Variants in CRAT observed in about 807,000 individuals in gnomAD.
CRAT encodes the protein carnitine O-acetyltransferase, also known as carnitine acetylase.
A neutral mutation model predicts 73.7 loss-of-function variants in CRAT; 66 were observed. The ratio of observed to expected loss-of-function variants is 0.90; its 90% CI spans 0.73 to 1.10. The LOEUF (loss-of-function observed/expected upper bound fraction) is 1.10, where lower values mean the gene tolerates loss of function less well. Among genes scored for constraint, CRAT ranks in the 50% least tolerant of loss-of-function variants. The pLI is 0.00. For missense variants in CRAT, 745 were observed against 846.9 expected (o/e 0.88, Z 1.49); for synonymous variants, 321 against 343.2 (o/e 0.94, Z 0.71).
intron 2 of CRAT, among the ~76,000 whole-genome samples, chr9:129,104,525 C>A (rs3896405): frequency 1 from 151,525 of 152,140 alleles, 75,463 homozygotes; most frequent in Middle Eastern, 1. Context: ...CAGATCAATC[C>A]GATGCTGCTG....
Position 129,107,543 on chromosome 9 carries a change from C to G in CRAT, c.291+271G>C. On this transcript the variant is annotated intron_variant, in intron 2 of 13. Coordinates refer to ENST00000318080, the MANE Select transcript of CRAT (RefSeq NM_000755.5). The surrounding 1 kb of genome is among the most constrained non-coding windows in gnomAD (Gnocchi z 5.0). Reference sequence around the variant, plus strand: ...TCTATCTGGTTGTACCTGCCGTGCACCCCACTCCTGCCTCTGTCCTGGAAC... The same window carrying G: ...TCTATCTGGTTGTACCTGCCGTGCAGCCCACTCCTGCCTCTGTCCTGGAAC... The G allele has an allele frequency of 1.5e-6, 1 of 657,022 alleles. No homozygotes were observed. Among genetic ancestry groups the G allele is most frequent in the Middle Eastern group, 2.5e-4 (1 of 4,078 alleles). 40.7% of individuals were successfully genotyped at this position (657,022 alleles called of 1,614,324 possible). A position where few individuals can be genotyped will look rare whatever the true frequency, so the allele number is the denominator to read the frequency against.
intron 8 of CRAT, among the ~76,000 whole-genome samples, chr9:129,099,567 T>C (rs1218398512): frequency 4.0e-5 from 6 of 151,040 alleles, no homozygotes; most frequent in Admixed American, 2.0e-4. Context: ...ACTGGGATTA[T>C]AGGCATGTGA....
At chr9:129,100,262 G>A (rs977736625) in intron 7 of CRAT, 13 of 587,584 alleles carry the variant, frequency 2.2e-5, no homozygotes, top group African/African-American at 7.5e-5. Context: ...TGGTGACCCC[G>A]GATCCCAGGT....
Position 129,097,972 on chromosome 9 carries a change from G to T in CRAT, c.1464+41C>A. ...TTGACTGAGTGAGCAGGAGGGAGGG[G>T]CTCAGGCCCAGCTCACCCACCCTCG... On this transcript the variant is annotated intron_variant, in intron 11 of 13. Coordinates refer to ENST00000318080, the MANE Select transcript of CRAT (RefSeq NM_000755.5). The T allele has an allele frequency of 2.5e-6, 4 of 1,602,336 alleles. No individual in the cohort carries two copies. In the South Asian group the frequency reaches 4.4e-5, roughly 18 times the overall value.
At position 129,095,055 on chromosome 9, in the gene CRAT, T is replaced by G; in HGVS notation, c.*342A>C. 2.9e-6 allele frequency: 1 copy of G among 350,042 alleles called. No individual in the cohort carries two copies. Among genetic ancestry groups the G allele is most frequent in the South Asian group, 3.3e-5 (1 of 30,220 alleles). The allele number at this position is 350,042 out of a possible 1,614,324, so 21.7% of individuals were successfully genotyped here. On this transcript the variant is annotated 3_prime_UTR_variant, in exon 14 of 14. Coordinates refer to ENST00000318080, the MANE Select transcript of CRAT (RefSeq NM_000755.5). ...TGGCAGGGAGTGGCCGGGGCTGAGC[T>G]GGTGAGACAAAGAGCTCTTGCCAGT...
chr9:129,097,892 G>T, intron 11 of CRAT, 121 bp downstream of exon 11: 1 of 1,410,120 alleles, frequency 7.1e-7, no homozygotes, highest in Admixed American at 2.1e-5. Context: ...GCTTCTGTTA[G>T]ATTCCCCGTG....
rs775408401 is a variant in CRAT, at chr9:129,107,984, G to A, written c.121C>T (p.Pro41Ser). ...TGGTCCAGGGACTGCTGGAGAGGGG[G>A]CACGGGCAGCCGTGGCAGTGCATCC... ...HQDALPRLPV[P>S]PLQQSLDHYL... Residue 41 changes from proline to serine, a missense_variant, in exon 2 of 14, where the codon CCC becomes TCC. By Grantham distance (74) the Pro-to-Ser change is moderately conservative (BLOSUM62 -1). Transcript: ENST00000318080. This position sits in a 1 kb window ranked among gnomAD's most constrained non-coding sequence, Gnocchi z 5.0. 2.5e-6 allele frequency: 4 copies of A among 1,600,330 alleles called. No individual in the cohort carries two copies. The highest frequency in any genetic ancestry group is 1.1e-5 in the South Asian group (1 of 90,250).
chr9:129,110,760 A>G lies in CRAT; in HGVS notation c.-251T>C, dbSNP rs1177056866. On this transcript the variant is annotated 5_prime_UTR_variant, in exon 1 of 14. Coordinates refer to ENST00000318080, the MANE Select transcript of CRAT (RefSeq NM_000755.5). The surrounding 1 kb of genome is among the most constrained non-coding windows in gnomAD (Gnocchi z 5.3). ...GCCGGTAGCGGGCCCCGGGCGGGCA[A>G]CGGTGCCCGGGAGGTTGGCTGTGGG... 3 of 473,106 alleles carry G rather than the reference A, an allele frequency of 6.3e-6. No homozygotes were observed. Among genetic ancestry groups the G allele is most frequent in the East Asian group, 5.4e-5 (1 of 18,460 alleles). The allele number at this position is 473,106 out of a possible 1,614,324, so 29.3% of individuals were successfully genotyped here. A position where few individuals can be genotyped will look rare whatever the true frequency, so the allele number is the denominator to read the frequency against.
rs541805185 is a variant in CRAT at position 129,100,737 on chromosome 9, T to G, written c.806-48A>C. Reference sequence around the variant, plus strand: ...AGACGCAAAATGGGGTCTCATGGTGTGGGAGAGATGGACCAGCCCCTCCGC... The same window carrying G: ...AGACGCAAAATGGGGTCTCATGGTGGGGGAGAGATGGACCAGCCCCTCCGC... On this transcript the variant is annotated intron_variant, in intron 6 of 13. Transcript: ENST00000318080. 8 of 1,568,782 alleles carry G rather than the reference T, an allele frequency of 5.1e-6. No homozygotes were observed. In the East Asian group the frequency reaches 1.9e-4, roughly 36 times the overall value.
In CRAT at chr9:129,103,261, G is replaced by A. The variant is rs1381345603; in HGVS notation, c.411-195C>T. 1.3e-5 allele frequency among the ~76,000 whole-genome samples: 2 copies of A among 152,154 alleles called. No homozygotes were observed. The highest frequency in any genetic ancestry group is 2.9e-5 in the Non-Finnish European group (2 of 68,022). On this transcript the variant is annotated intron_variant, in intron 3 of 13. Coordinates refer to ENST00000318080, the MANE Select transcript of CRAT (RefSeq NM_000755.5). This position sits in a 1 kb window ranked among gnomAD's most constrained non-coding sequence, Gnocchi z 4.6. ...TGTGTGCTTCTTCATAACCTCTAGA[G>A]GGAGCATGGTCGGGAGGGCTCGGGG... is the stretch of plus-strand genomic sequence containing the variant.
intron 5 of CRAT, 150 bp downstream of exon 5, chr9:129,102,250 T>C (rs1847718582): frequency 7.9e-7 from 1 of 1,266,824 alleles, no homozygotes; most frequent in Middle Eastern, 2.8e-4. Flanking sequence ...CTGGCCTCCC[T>C]GGGCCCCCAA....
chr9:129,100,877 C>T (rs531277571), intron 6 of CRAT, among the ~76,000 whole-genome samples, 188 bp from the exon 7 acceptor site: 2 of 152,294 alleles, frequency 1.3e-5, no homozygotes, highest in African/African-American at 2.4e-5. Context: ...TTCAGAGCTT[C>T]GAACTCAACA....
chr9:129,105,977 C>T (rs2131485909), intron 2 of CRAT, among the ~76,000 whole-genome samples: 1 of 152,292 alleles, frequency 6.6e-6, no homozygotes, highest in East Asian at 1.9e-4. Context: ...ACCCACCCTT[C>T]CTGCACACAG....
chr9:129,110,342 G>T lies in CRAT; in HGVS notation c.27+141C>A. On this transcript the variant is annotated intron_variant, in intron 1 of 13. Coordinates refer to ENST00000318080, the MANE Select transcript of CRAT (RefSeq NM_000755.5). The surrounding 1 kb of genome is among the most constrained non-coding windows in gnomAD (Gnocchi z 5.3). ...CCCAATCTCCTGCTCTGCCAAACCT[G>T]GGACGCCCGCCTGACCCCACCCCAT... The T allele has an allele frequency of 1.2e-6, 1 of 830,594 alleles. No individual in the cohort carries two copies. Among genetic ancestry groups the T allele is most frequent in the Non-Finnish European group, 1.7e-6 (1 of 572,466 alleles). 51.5% of individuals were successfully genotyped at this position (830,594 alleles called of 1,614,324 possible).
In CRAT at chr9:129,095,427, C is replaced by T. The variant is rs2131429031; in HGVS notation, c.1851G>A (p.Leu617=). ...GCTTGGCCCGGGGGTGGCTCTGCAG[C>T]AGGGCACGCATGTCCAGGAGCGCCT... ...LEKALLDMRA[L]LQSHPRAKL Residue 617 remains leucine, a synonymous_variant, in exon 14 of 14, where the codon CTG becomes CTA. Coordinates refer to ENST00000318080, the MANE Select transcript of CRAT (RefSeq NM_000755.5). 3 of 1,612,534 alleles carry T rather than the reference C, an allele frequency of 1.9e-6. No homozygotes were observed. The highest frequency in any genetic ancestry group is 3.4e-4 in the Middle Eastern group (2 of 5,946).
At position 129,106,639 on chromosome 9, in the gene CRAT, C is replaced by G. The variant is rs932103674; in HGVS notation, c.291+1175G>C. Among the ~76,000 whole-genome samples, 1 of 152,152 alleles carries G rather than the reference C, an allele frequency of 6.6e-6. No individual in the cohort carries two copies. The highest frequency in any genetic ancestry group is 2.4e-5 in the African/African-American group (1 of 41,430). On this transcript the variant is annotated intron_variant, in intron 2 of 13. Transcript: ENST00000318080. This position sits in a 1 kb window ranked among gnomAD's most constrained non-coding sequence, Gnocchi z 4.0. ...ACCTTTCGGGGGAAGCATCTTGGTTCTGGAGTCCAAAGTCCTGACCTGACG... is the reference window on the plus strand; with the variant it reads ...ACCTTTCGGGGGAAGCATCTTGGTTGTGGAGTCCAAAGTCCTGACCTGACG...
Position 129,110,791 on chromosome 9 carries a change from GAC to G in CRAT, c.-284_-283del. The G allele has an allele frequency of 3.7e-6, 2 of 544,394 alleles. No individual in the cohort carries two copies. The highest frequency in any genetic ancestry group is 6.2e-6 in the Non-Finnish European group (2 of 321,346). The allele number at this position is 544,394 out of a possible 1,614,324, so 33.7% of individuals were successfully genotyped here. Reference sequence around the variant, plus strand: ...CCCGGGAGGTTGGCTGTGGGGCGGGGACGGGGCATCGATGGGGCGGAGTCTCC... The same window carrying G: ...CCCGGGAGGTTGGCTGTGGGGCGGGGGGGGCATCGATGGGGCGGAGTCTCC... On this transcript the variant is annotated 5_prime_UTR_variant, in exon 1 of 14. Coordinates refer to ENST00000318080, the MANE Select transcript of CRAT (RefSeq NM_000755.5). This position sits in a 1 kb window ranked among gnomAD's most constrained non-coding sequence, Gnocchi z 5.3.
chr9:129,099,022 G>A (rs1469091362), intron 8 of CRAT, among the ~76,000 whole-genome samples: 1 of 151,122 alleles, frequency 6.6e-6, no homozygotes, highest in Non-Finnish European at 1.5e-5. Context: ...TGTCACCCAG[G>A]CTGGAGCAAT....
chr9:129,108,116 C>T (rs760781679), intron 1 of CRAT, 39 bp from the exon 2 acceptor site: 2 of 1,496,218 alleles, frequency 1.3e-6, no homozygotes, highest in East Asian at 2.3e-5. Context: ...CCCTCCCCGG[C>T]TCTGGAGCCC....
Sources: allele counts gnomAD v4.1 joint callset (sites outside exome capture counted in the v4.1 genomes callset), GRCh38; gene constraint gnomAD v4.1.1; non-coding constraint Gnocchi (gnomAD v3.1); transcripts MANE v1.5; gene names NCBI Gene and HGNC (gene_info 2026-07-23, HGNC 2026-07-21).